Variants in PEX14 observed in about 807,000 individuals in gnomAD.
PEX14 encodes peroxisomal biogenesis factor 14.
PEX14 carries 15 observed loss-of-function variants against 49.5 expected under a neutral mutation model. The ratio of observed to expected loss-of-function variants is 0.30; its 90% CI spans 0.20 to 0.47. The LOEUF is 0.47. Ranked by LOEUF, PEX14 falls within the 20% of genes least tolerant of loss-of-function variation. The pLI is 1.00. For synonymous variants in PEX14, 210 were observed against 212.7 expected (o/e 0.99, Z 0.11); for missense variants, 398 against 494.8 (o/e 0.80, Z 1.86).
chr1:10,483,606 C>T (rs1030760151), intron 1 of PEX14, among the ~76,000 whole-genome samples: 38 of 151,810 alleles, frequency 2.5e-4, no homozygotes, highest in African/African-American at 7.1e-4. Flanking sequence ...TGAGCCACTG[C>T]GCCTGGCCTG....
intron 3 of PEX14, among the ~76,000 whole-genome samples, chr1:10,552,517 T>C (rs1175070953): frequency 6.6e-6 from 1 of 152,264 alleles, no homozygotes; most frequent in African/African-American, 2.4e-5. Context: ...TATATCTATG[T>C]TTGTATCAAT....
Position 10,587,451 on chromosome 1 carries a change from ATAAAT to A in PEX14, c.170-11786_170-11782del, listed in dbSNP as rs537841746. Among the ~76,000 whole-genome samples the A allele has an allele frequency of 4.2e-3, 634 of 152,316 alleles. 7 individuals are homozygous for A. The highest frequency in any genetic ancestry group is 0.015 in the African/African-American group (608 of 41,570). Reference sequence around the variant, plus strand: ...CAGAGTGAGATTCTGTCTCAAATAAATAAATAAATAAAATAACGAGACAATTTTTT... The same window carrying A: ...CAGAGTGAGATTCTGTCTCAAATAAAAAATAAAATAACGAGACAATTTTTT... On this transcript the variant is annotated intron_variant, in intron 3 of 8. Transcript: ENST00000356607.
At chr1:10,594,780 G>A (rs116232720) in intron 3 of PEX14, among the ~76,000 whole-genome samples, 9,726 of 151,676 alleles carry the variant, frequency 0.064, 403 homozygotes, top group Middle Eastern at 0.13. Context: ...CCGGGTCCCT[G>A]GTTTGGTCTG....
At chr1:10,536,373 G>A (rs1421199215) in intron 3 of PEX14, 76 bp downstream of exon 3, 4 of 928,442 alleles carry the variant, frequency 4.3e-6, no homozygotes, top group African/African-American at 1.6e-5. Flanking sequence ...CACGGTGCAA[G>A]GCAGGTGCTG....
chr1:10,605,656 G>C (rs1344370960), intron 4 of PEX14, among the ~76,000 whole-genome samples: 2 of 152,174 alleles, frequency 1.3e-5, no homozygotes, highest in Admixed American at 1.3e-4. Flanking sequence ...GTGGCCTCGG[G>C]GTTCCCGTCA....
chr1:10,481,966 C>T (rs1483939154), intron 1 of PEX14, among the ~76,000 whole-genome samples: 1 of 151,228 alleles, frequency 6.6e-6, no homozygotes, highest in Non-Finnish European at 1.5e-5. Flanking sequence ...GGACCACAGG[C>T]GCATGCCACC....
chr1:10,611,846 A>G (rs911618433), intron 4 of PEX14, among the ~76,000 whole-genome samples: 1 of 152,124 alleles, frequency 6.6e-6, no homozygotes, highest in Non-Finnish European at 1.5e-5. Flanking sequence ...TCTTTTTATT[A>G]TTATTGAATT....
chr1:10,532,768 A>G (rs1161372339), intron 2 of PEX14, among the ~76,000 whole-genome samples: 1 of 152,236 alleles, frequency 6.6e-6, no homozygotes, highest in East Asian at 1.9e-4. Context: ...AAATGATAAT[A>G]CAGGACAGGC....
At chr1:10,589,749 T>C (rs1640604880) in intron 3 of PEX14, among the ~76,000 whole-genome samples, 1 of 152,178 alleles carries the variant, frequency 6.6e-6, no homozygotes, top group South Asian at 2.1e-4. Flanking sequence ...TTTTATTATT[T>C]CTTAGAAGCA....
chr1:10,500,398 AAAAAGAAAAG>A, intron 2 of PEX14, among the ~76,000 whole-genome samples: 1 of 148,580 alleles, frequency 6.7e-6, no homozygotes, highest in Admixed American at 6.7e-5. Flanking sequence ...AAAAAAAAAA[AAAAAGAAAAG>A]AAAAGAATAG....
At chr1:10,599,793 G>A (rs775597684) in intron 4 of PEX14, among the ~76,000 whole-genome samples, 21 of 152,096 alleles carry the variant, frequency 1.4e-4, no homozygotes, top group Non-Finnish European at 2.8e-4. Flanking sequence ...GTTAATATTT[G>A]TAAGTTTAGG....
intron 3 of PEX14, among the ~76,000 whole-genome samples, chr1:10,553,620 C>T (rs1639396900): frequency 7.1e-6 from 1 of 141,160 alleles, no homozygotes; most frequent in Non-Finnish European, 1.6e-5. Context: ...AAGCCTGTCA[C>T]TCTGCCTCTG....
intron 3 of PEX14, 28 bp downstream of exon 3, chr1:10,536,325 C>T (rs894401698): frequency 8.1e-6 from 11 of 1,358,778 alleles, no homozygotes; most frequent in African/African-American, 5.7e-5. Flanking sequence ...CTGTGCAGCA[C>T]GGCCTACAGG....
rs2506889 is a variant in PEX14, at chr1:10,535,965, C to T, written c.85-248C>T. 130,074 of 468,852 alleles carry T rather than the reference C, an allele frequency of 0.28. 19,655 individuals carry two copies. Among genetic ancestry groups the T allele is most frequent in the Admixed American group, 0.35 (10,946 of 30,992 alleles). The allele number at this position is 468,852 out of a possible 1,614,324, so 29.0% of individuals were successfully genotyped here. ...GGAGATCAGGAGGAACAGGAAGGAT[C>T]GTCGCAGGCCTGAAGCTCGGCAGAG... On this transcript the variant is annotated intron_variant, in intron 2 of 8. Coordinates refer to ENST00000356607, the MANE Select transcript of PEX14 (RefSeq NM_004565.3).
At chr1:10,516,413 GT>G (rs1641971275) in intron 2 of PEX14, among the ~76,000 whole-genome samples, 1 of 152,230 alleles carries the variant, frequency 6.6e-6, no homozygotes, top group Non-Finnish European at 1.5e-5. Flanking sequence ...GACCCACTAG[GT>G]TTGCCGTGGG....
chr1:10,493,616 C>G lies in PEX14; in HGVS notation c.37-1658C>G, dbSNP rs150562428. ...CCCATTTTTATATTTTTTGTAGAGA[C>G]GAGGATTTGCCATGTTGCCCAGGCT... On this transcript the variant is annotated intron_variant, in intron 1 of 8. Coordinates refer to ENST00000356607, the MANE Select transcript of PEX14 (RefSeq NM_004565.3). Among the ~76,000 whole-genome samples, 23 of 152,090 alleles carry G rather than the reference C, an allele frequency of 1.5e-4. No homozygotes were observed. The East Asian group carries it at 4.3e-3, about 28-fold the overall frequency.
chr1:10,615,057 A>G lies in PEX14; in HGVS notation c.299-3275A>G, dbSNP rs148095170. 1.2e-3 allele frequency among the ~76,000 whole-genome samples: 190 copies of G among 152,322 alleles called. 1 individual carries two copies. The highest frequency in any genetic ancestry group is 4.4e-3 in the African/African-American group (182 of 41,572). On this transcript the variant is annotated intron_variant, in intron 4 of 8. Coordinates refer to ENST00000356607, the MANE Select transcript of PEX14 (RefSeq NM_004565.3). ...TTTGTGTCGGGTGGGGGTGTCCACCATCAGTGAAGTAGCACTGTCCCCTTC... is the reference window on the plus strand; with the variant it reads ...TTTGTGTCGGGTGGGGGTGTCCACCGTCAGTGAAGTAGCACTGTCCCCTTC...
chr1:10,518,054 A>G (rs1272514290), intron 2 of PEX14, among the ~76,000 whole-genome samples: 2 of 151,950 alleles, frequency 1.3e-5, no homozygotes, highest in African/African-American at 4.8e-5. Context: ...TCAGACCTTT[A>G]TGGGAAGTCC....
At chr1:10,617,099 A>C (rs1641445651) in intron 4 of PEX14, 1 of 152,118 alleles carries the variant, frequency 6.6e-6, no homozygotes, top group African/African-American at 2.4e-5. Flanking sequence ...TGGGCAACAT[A>C]ACAAGAGCCC....
Sources: gnomAD v4.1 joint callset for allele counts (sites outside exome capture counted in the v4.1 genomes callset) on GRCh38, gnomAD v4.1.1 for gene constraint, MANE v1.5 for transcripts, NCBI Gene and HGNC (gene_info 2026-07-23, HGNC 2026-07-21) for gene names.